The following PLA2G4E variants were observed in gnomAD, a reference collection of about 807,000 sequenced individuals.
The protein encoded by PLA2G4E is phospholipase A2 group IVE.
In PLA2G4E, 84 loss-of-function variants were observed where a neutral mutation model predicts 109.1. That is an observed-to-expected ratio of 0.77 (90% CI 0.65 to 0.92). The LOEUF (loss-of-function observed/expected upper bound fraction) is 0.92, where lower values mean the gene tolerates loss of function less well. Among genes scored for constraint, PLA2G4E ranks in the 40% least tolerant of loss-of-function variants. The pLI is 0.00. For synonymous variants in PLA2G4E, 469 were observed against 436.1 expected, an observed-to-expected ratio of 1.08 and a Z score of -0.94; for missense variants, 1,057 against 1,076.6, an observed-to-expected ratio of 0.98 and a Z score of 0.25.
At chr15:42,018,143 A>G (rs1566845963) in intron 1 of PLA2G4E, among the ~76,000 whole-genome samples, 1 of 152,234 alleles carries the variant, frequency 6.6e-6, no homozygotes, top group Non-Finnish European at 1.5e-5. Flanking sequence ...GGTTGCAATG[A>G]ATGTACCTAT....
chr15:42,023,216 A>G (rs1467034906), intron 1 of PLA2G4E, among the ~76,000 whole-genome samples: 2 of 151,922 alleles, frequency 1.3e-5, no homozygotes, highest in African/African-American at 4.8e-5. Flanking sequence ...GAAAACACCC[A>G]GGTAAGGCCC....
chr15:41,989,432 C>A, exon 15 of PLA2G4E: 1 of 1,613,966 alleles, frequency 6.2e-7, no homozygotes, highest in Non-Finnish European at 8.5e-7. Context: ...GTAGCAGATT[C>A]GAGACTCCGG....
At chr15:42,025,446 G>T (rs1459091373) in intron 1 of PLA2G4E, among the ~76,000 whole-genome samples, 1 of 152,042 alleles carries the variant, frequency 6.6e-6, no homozygotes, top group Non-Finnish European at 1.5e-5. Flanking sequence ...GGAGAGTTGT[G>T]TGTCTGTTCC....
chr15:42,030,505 C>T (rs951409574), intron 1 of PLA2G4E, among the ~76,000 whole-genome samples: 3 of 152,176 alleles, frequency 2.0e-5, no homozygotes, highest in Middle Eastern at 3.2e-3. Flanking sequence ...CTCTGGGCCC[C>T]GAGGGGATGG....
rs574607884 is a variant in PLA2G4E at position 42,025,452 on chromosome 15, G to C, written c.184-11695C>G. Reference sequence around the variant, plus strand: ...ATCTGGGAGGGAGAGTTGTGTGTCTGTTCCCATACATCTTCCTGTAGCTGC... The same window carrying C: ...ATCTGGGAGGGAGAGTTGTGTGTCTCTTCCCATACATCTTCCTGTAGCTGC... On this transcript the variant is annotated intron_variant, in intron 1 of 19. Coordinates refer to ENST00000399518, the Ensembl canonical transcript of PLA2G4E. 2.6e-5 allele frequency among the ~76,000 whole-genome samples: 4 copies of C among 152,210 alleles called. No homozygotes were observed. The South Asian group carries it at 8.3e-4, about 32-fold the overall frequency.
rs141917853 is a variant in PLA2G4E at position 42,050,385 on chromosome 15, C to T, written c.183+136G>A. 3.8e-3 allele frequency: 4,069 copies of T among 1,059,284 alleles called. 11 individuals are homozygous for T. The highest frequency in any genetic ancestry group is 0.011 in the Middle Eastern group (39 of 3,458). 65.6% of individuals were successfully genotyped at this position (1,059,284 alleles called of 1,614,324 possible). On this transcript the variant is annotated intron_variant, in intron 1 of 19. Coordinates refer to ENST00000399518, the Ensembl canonical transcript of PLA2G4E. ...AGGTGATGGCAGCAGGGTAAAGGGA[C>T]TCCTCCGGAGAGAAAGAAATGAACA...
intron 2 of PLA2G4E, 77 bp downstream of exon 2, chr15:42,013,608 T>A (rs1471166202): frequency 7.1e-7 from 1 of 1,404,506 alleles, no homozygotes; most frequent in Non-Finnish European, 9.8e-7. Context: ...CGGATCCACC[T>A]GACCATTTCT....
At chr15:41,994,516 T>C (rs1301300733) in intron 12 of PLA2G4E, among the ~76,000 whole-genome samples, 24 of 151,936 alleles carry the variant, frequency 1.6e-4, no homozygotes. Flanking sequence ...CCACAAAAAA[T>C]GTTTATATGT....
At chr15:42,044,535 C>CA (rs1889376935) in intron 1 of PLA2G4E, among the ~76,000 whole-genome samples, 1 of 148,008 alleles carries the variant, frequency 6.8e-6, no homozygotes, top group South Asian at 2.1e-4. Flanking sequence ...TAAGCAAGGA[C>CA]AAAAAACCAA....
At chr15:42,020,221 CTT>C (rs1480954050) in intron 1 of PLA2G4E, among the ~76,000 whole-genome samples, 1 of 152,254 alleles carries the variant, frequency 6.6e-6, no homozygotes, top group African/African-American at 2.4e-5. Context: ...AATGATTTAA[CTT>C]GAGCCGGGGA....
At position 42,022,359 on chromosome 15, in the gene PLA2G4E, C is replaced by T. The variant is rs140175284; in HGVS notation, c.184-8602G>A. 5.9e-5 allele frequency among the ~76,000 whole-genome samples: 9 copies of T among 152,188 alleles called. No homozygotes were observed. The South Asian group carries it at 8.3e-4, about 14-fold the overall frequency. ...GGTTTCACCGAGGTTAATTTTTCCG[C>T]GGGTGGGCGGGAGATGGTTTTGGGA... On this transcript the variant is annotated intron_variant, in intron 1 of 19. Coordinates refer to ENST00000399518, the Ensembl canonical transcript of PLA2G4E.
At chr15:42,027,692 C>T (rs1037069769) in intron 1 of PLA2G4E, among the ~76,000 whole-genome samples, 3 of 152,202 alleles carry the variant, frequency 2.0e-5, no homozygotes, top group East Asian at 1.9e-4. Flanking sequence ...GGGCTGCTCA[C>T]GTTTGTCCTA....
At chr15:41,995,679 ACCT>A (rs111863379) in intron 11 of PLA2G4E, among the ~76,000 whole-genome samples, 183 bp from the exon 12 acceptor site, 6,503 of 152,166 alleles carry the variant, frequency 0.043, 227 homozygotes, top group South Asian at 0.15. Flanking sequence ...CTAGAAATAG[ACCT>A]CAGCTCCACA....
At chr15:42,013,952 C>T (rs534285282) in intron 1 of PLA2G4E, among the ~76,000 whole-genome samples, 195 bp from the exon 2 acceptor site, 1 of 141,736 alleles carries the variant, frequency 7.1e-6, no homozygotes, top group East Asian at 2.2e-4. Context: ...AGTGCCATGG[C>T]GCGATCTCGG....
intron 6 of PLA2G4E, among the ~76,000 whole-genome samples, chr15:42,001,941 C>T (rs2068424434): frequency 6.6e-6 from 1 of 152,208 alleles, no homozygotes; most frequent in African/African-American, 2.4e-5. Flanking sequence ...GATCCCCCAA[C>T]CTTGGCCTCC....
intron 1 of PLA2G4E, among the ~76,000 whole-genome samples, chr15:42,045,399 T>G (rs1017615388): frequency 6.6e-6 from 1 of 152,128 alleles, no homozygotes. Context: ...CTGCCTCTCA[T>G]GAGATGCAAG....
At chr15:42,002,664 C>T in exon 6 of PLA2G4E, 2 of 1,585,262 alleles carry the variant, frequency 1.3e-6, no homozygotes, top group Non-Finnish European at 1.7e-6. Flanking sequence ...CACCAGCACG[C>T]CATTGGTGAC....
chr15:42,000,202 T>C (rs766565504), exon 8 of PLA2G4E: 1 of 1,592,424 alleles, frequency 6.3e-7, no homozygotes, highest in Non-Finnish European at 8.6e-7. Context: ...CAGGCAGAGG[T>C]TGGGCAGCAG....
chr15:42,031,244 C>T (rs1273084673), intron 1 of PLA2G4E, among the ~76,000 whole-genome samples: 1 of 152,208 alleles, frequency 6.6e-6, no homozygotes, highest in Non-Finnish European at 1.5e-5. Flanking sequence ...GCTGGGATTA[C>T]AGGTATGAGC....
Sources: gnomAD v4.1 joint callset for allele counts (sites outside exome capture counted in the v4.1 genomes callset) on GRCh38, gnomAD v4.1.1 for gene constraint, MANE v1.5 for transcripts, NCBI Gene and HGNC (gene_info 2026-07-23, HGNC 2026-07-21) for gene names.